Variants in MEGF11 observed in about 807,000 individuals in gnomAD.
The protein encoded by MEGF11 is multiple epidermal growth factor-like domains protein 11.
In MEGF11, 126 loss-of-function variants were observed where a neutral mutation model predicts 146.6. The ratio of observed to expected loss-of-function variants is 0.86; its 90% CI spans 0.74 to 1.00. The LOEUF (loss-of-function observed/expected upper bound fraction) is 1.00, where lower values mean the gene tolerates loss of function less well. Among genes scored for constraint, MEGF11 ranks in the 50% least tolerant of loss-of-function variants. The probability of loss-of-function intolerance (pLI) is 0.00; values close to 1 mark genes in which losing one functional copy is unlikely to be tolerated. For missense variants in MEGF11, 1,509 were observed against 1,521.2 expected (o/e 0.99, Z 0.13); for synonymous variants, 532 against 583.4 (o/e 0.91, Z 1.27).
intron 7 of MEGF11, among the ~76,000 whole-genome samples, chr15:65,975,855 A>G (rs2081427527): frequency 6.6e-6 from 1 of 152,128 alleles, no homozygotes; most frequent in African/African-American, 2.4e-5. Context: ...TGGGAGCCCC[A>G]TATATCCTGA....
intron 4 of MEGF11, among the ~76,000 whole-genome samples, chr15:66,099,132 G>A (rs2140733617): frequency 6.6e-6 from 1 of 152,002 alleles, no homozygotes; most frequent in South Asian, 2.1e-4. Context: ...TTGCAGGACT[G>A]GGGCCTGCAG....
chr15:66,038,958 G>A (rs2083836918), intron 5 of MEGF11, among the ~76,000 whole-genome samples: 2 of 152,158 alleles, frequency 1.3e-5, no homozygotes, highest in African/African-American at 4.8e-5. Flanking sequence ...ACATACTCCT[G>A]CCAGTGCAGT....
intron 5 of MEGF11, among the ~76,000 whole-genome samples, chr15:66,080,709 G>A (rs1223023050): frequency 6.6e-6 from 1 of 152,186 alleles, no homozygotes; most frequent in Admixed American, 6.5e-5. Context: ...AGAATTCCAG[G>A]GTGAATAGCA....
At chr15:66,040,807 T>C (rs2083938710) in intron 5 of MEGF11, among the ~76,000 whole-genome samples, 5 of 152,160 alleles carry the variant, frequency 3.3e-5, no homozygotes, top group Admixed American at 3.3e-4. Flanking sequence ...CATGCATGGT[T>C]ATGTATGTTG....
In MEGF11 at chr15:65,929,813, G is replaced by A; in HGVS notation, c.1479C>T (p.Cys493=). 6.3e-7 allele frequency: 1 copy of A among 1,581,204 alleles called. No homozygotes were observed. Among genetic ancestry groups the A allele is most frequent in the Non-Finnish European group, 8.6e-7 (1 of 1,163,768 alleles). ...TGCAGGCTGCCCCATTGGCACAGGTGCAGCTCTCGTTGCAGTTCAGGCCCC... is the reference window on the plus strand; with the variant it reads ...TGCAGGCTGCCCCATTGGCACAGGTACAGCTCTCGTTGCAGTTCAGGCCCC... The part of the protein sequence containing the change: ...GTWGLNCNES[C]TCANGAACSP... Residue 493 remains cysteine (C), a synonymous_variant, in exon 12 of 26, where the codon TGC becomes TGT. Transcript: ENST00000395614.
At chr15:66,124,691 T>A (rs2088245507) in intron 2 of MEGF11, among the ~76,000 whole-genome samples, 1 of 152,220 alleles carries the variant, frequency 6.6e-6, no homozygotes, top group African/African-American at 2.4e-5. Flanking sequence ...ATTGAGGATA[T>A]GTCCCTGATA....
intron 5 of MEGF11, among the ~76,000 whole-genome samples, chr15:65,991,886 G>A (rs755976629): frequency 2.6e-5 from 4 of 152,222 alleles, no homozygotes; most frequent in Non-Finnish European, 4.4e-5. Context: ...GAGGCTCAAT[G>A]TCAAACAATT....
At chr15:65,901,043 T>G (rs2078483234) in intron 24 of MEGF11, among the ~76,000 whole-genome samples, 1 of 152,244 alleles carries the variant, frequency 6.6e-6, no homozygotes, top group Admixed American at 6.5e-5. Context: ...CACATCTGTG[T>G]ATGGAGACCC....
intron 1 of MEGF11, 75 bp from the exon 2 acceptor site, chr15:66,128,486 G>A (rs955245980): frequency 7.5e-6 from 6 of 803,648 alleles, no homozygotes; most frequent in Admixed American, 8.1e-5. Flanking sequence ...TCCCATCGTC[G>A]TGGGTAATGA....
chr15:65,978,168 C>T (rs1162900048), intron 7 of MEGF11, among the ~76,000 whole-genome samples: 1 of 152,184 alleles, frequency 6.6e-6, no homozygotes, highest in Non-Finnish European at 1.5e-5. Flanking sequence ...ATCTCTATAT[C>T]TCTGAGTTGG....
At chr15:66,207,797 G>A (rs2091339216) in intron 1 of MEGF11, among the ~76,000 whole-genome samples, 1 of 152,178 alleles carries the variant, frequency 6.6e-6, no homozygotes. Flanking sequence ...AAAGGAGAAG[G>A]AGAGGCCGGG....
At chr15:66,088,542 C>G (rs907368604) in intron 5 of MEGF11, among the ~76,000 whole-genome samples, 1 of 152,128 alleles carries the variant, frequency 6.6e-6, no homozygotes, top group African/African-American at 2.4e-5. Flanking sequence ...ATCCCAGCTA[C>G]TACTCAGAAG....
chr15:65,988,071 G>A lies in MEGF11; in HGVS notation c.395-5583C>T, dbSNP rs1431131481. On this transcript the variant is annotated intron_variant, in intron 5 of 25. Transcript: ENST00000395614. ...CCCCCAGGCTGGAGTGCAGTGGTGC[G>A]ATATCTGCTCACTGCAACTTCTGTG... Among the ~76,000 whole-genome samples the A allele has an allele frequency of 1.4e-5, 2 of 147,600 alleles. 1 individual carries two copies.
chr15:66,093,827 A>G (rs1224094296), intron 5 of MEGF11, among the ~76,000 whole-genome samples: 1 of 152,006 alleles, frequency 6.6e-6, no homozygotes, highest in Non-Finnish European at 1.5e-5. Flanking sequence ...GAGAGCATCC[A>G]CCTCACCCCA....
At chr15:65,948,826 AGTGT>A (rs56678880) in intron 10 of MEGF11, among the ~76,000 whole-genome samples, 4 of 151,046 alleles carry the variant, frequency 2.6e-5, no homozygotes, top group Non-Finnish European at 5.9e-5. Context: ...TGGGTACTGG[AGTGT>A]GTGTGTGTGT....
intron 1 of MEGF11, among the ~76,000 whole-genome samples, chr15:66,230,503 A>T (rs1567292340): frequency 6.6e-6 from 1 of 152,250 alleles, no homozygotes; most frequent in Non-Finnish European, 1.5e-5. Context: ...ACTAATAATG[A>T]TGACAGATGC....
rs2079123817 is a variant in MEGF11 at position 65,919,946 on chromosome 15, A to G, written c.1958-1852T>C. On this transcript the variant is annotated intron_variant, in intron 15 of 25. Transcript: ENST00000395614. The stretch of plus-strand genomic sequence containing the variant: ...TAAACAAAACAAAACAAAAAACAAC[A>G]AGCAAAATGCAGTTTCTGTGAAGCA... Among the ~76,000 whole-genome samples, 3 of 152,208 alleles carry G rather than the reference A, an allele frequency of 2.0e-5. No homozygotes were observed. The South Asian group carries it at 6.2e-4, about 31-fold the overall frequency.
chr15:66,098,947 C>T (rs571058856), intron 4 of MEGF11, among the ~76,000 whole-genome samples: 31 of 152,320 alleles, frequency 2.0e-4, no homozygotes, highest in Admixed American at 5.2e-4. Flanking sequence ...CCCTCCATAG[C>T]CAGGAAGAAT....
intron 5 of MEGF11, among the ~76,000 whole-genome samples, chr15:66,018,614 G>C (rs1323520036): frequency 6.6e-6 from 1 of 152,118 alleles, no homozygotes; most frequent in Non-Finnish European, 1.5e-5. Context: ...TGTGCAAGCT[G>C]GTGAGCGCAT....
Sources: gnomAD v4.1 joint callset for allele counts (sites outside exome capture counted in the v4.1 genomes callset) on GRCh38, gnomAD v4.1.1 for gene constraint, MANE v1.5 for transcripts, NCBI Gene and HGNC (gene_info 2026-07-23, HGNC 2026-07-21) for gene names.